Variants in KCND2 observed in about 807,000 individuals in gnomAD.
The protein encoded by KCND2 is A-type voltage-gated potassium channel KCND2.
Under a neutral mutation model 54.4 loss-of-function variants are expected in KCND2, and 16 were observed. The ratio of observed to expected loss-of-function variants is 0.29; its 90% CI spans 0.20 to 0.45. The LOEUF (loss-of-function observed/expected upper bound fraction) is 0.45. Among genes scored for constraint, KCND2 ranks in the 20% least tolerant of loss-of-function variants. KCND2 has a pLI of 1.00. For missense variants in KCND2, 486 were observed against 824.2 expected, an observed-to-expected ratio of 0.59 and a Z score of 5.02; for synonymous variants, 317 against 310.7, an observed-to-expected ratio of 1.02 and a Z score of -0.21.
At chr7:120,371,884 A>T (rs1425623132) in intron 1 of KCND2, among the ~76,000 whole-genome samples, 1 of 151,928 alleles carries the variant, frequency 6.6e-6, no homozygotes, top group Non-Finnish European at 1.5e-5. Flanking sequence ...GAATGTTCAC[A>T]CAATGGCAAA....
At chr7:120,329,975 T>A (rs1460241131) in intron 1 of KCND2, among the ~76,000 whole-genome samples, 1 of 152,162 alleles carries the variant, frequency 6.6e-6, no homozygotes, top group Admixed American at 6.6e-5. Context: ...AATAGAATGC[T>A]CTTTTAATAG....
chr7:120,678,180 T>A (rs2116583983), intron 1 of KCND2, among the ~76,000 whole-genome samples: 1 of 151,770 alleles, frequency 6.6e-6, no homozygotes, highest in African/African-American at 2.4e-5. Flanking sequence ...CTGAGATGGT[T>A]AGGGGGTTCT....
intron 1 of KCND2, among the ~76,000 whole-genome samples, chr7:120,281,425 T>C (rs1799260944): frequency 1.1e-4 from 2 of 17,720 alleles, no homozygotes; most frequent in Non-Finnish European, 5.3e-4. Flanking sequence ...GCGTCTGATA[T>C]TGAAAAAAAA....
chr7:120,593,407 A>G (rs1016074384), intron 1 of KCND2, among the ~76,000 whole-genome samples: 1 of 152,168 alleles, frequency 6.6e-6, no homozygotes, highest in Non-Finnish European at 1.5e-5. Context: ...GTCTACAGAC[A>G]TTGTCCCTGC....
intron 1 of KCND2, among the ~76,000 whole-genome samples, chr7:120,693,505 G>A (rs1265623372): frequency 6.6e-6 from 1 of 151,228 alleles, no homozygotes; most frequent in African/African-American, 2.4e-5. Flanking sequence ...ATTTTTAAAT[G>A]GATAATGAAA....
chr7:120,444,275 T>G (rs1039915913), intron 1 of KCND2, among the ~76,000 whole-genome samples: 1 of 152,098 alleles, frequency 6.6e-6, no homozygotes, highest in African/African-American at 2.4e-5. Flanking sequence ...CCTCCCTCCC[T>G]CTACCATCTT....
chr7:120,352,355 T>C (rs1338382147), intron 1 of KCND2, among the ~76,000 whole-genome samples: 1 of 151,856 alleles, frequency 6.6e-6, no homozygotes, highest in South Asian at 2.1e-4. Context: ...CCCAAATACA[T>C]ACATATGTAT....
intron 1 of KCND2, among the ~76,000 whole-genome samples, chr7:120,340,291 A>G (rs1173928217): frequency 1.3e-5 from 2 of 152,252 alleles, no homozygotes; most frequent in African/African-American, 4.8e-5. Context: ...TTCTGCATAT[A>G]TGTAAAGATA....
chr7:120,727,770 G>A (rs79465749), intron 1 of KCND2, among the ~76,000 whole-genome samples: 4 of 152,070 alleles, frequency 2.6e-5, no homozygotes, highest in Non-Finnish European at 5.9e-5. Flanking sequence ...AGGAGCAGAA[G>A]GAAACTGGTG....
chr7:120,608,736 G>A (rs1158948102), intron 1 of KCND2, among the ~76,000 whole-genome samples: 1 of 152,042 alleles, frequency 6.6e-6, no homozygotes, highest in Non-Finnish European at 1.5e-5. Flanking sequence ...TAAATATAGG[G>A]TTAAATATAG....
At chr7:120,630,720 G>A (rs1793223470) in intron 1 of KCND2, among the ~76,000 whole-genome samples, 1 of 152,066 alleles carries the variant, frequency 6.6e-6, no homozygotes, top group Admixed American at 6.5e-5. Flanking sequence ...CGCTTAAAAG[G>A]TATTGAGTCA....
intron 1 of KCND2, among the ~76,000 whole-genome samples, chr7:120,576,289 G>A (rs1032746887): frequency 2.6e-5 from 4 of 152,110 alleles, no homozygotes; most frequent in African/African-American, 9.7e-5. Flanking sequence ...TAAATATTTA[G>A]TAGAATTTCT....
At chr7:120,542,606 C>A (rs1350803037) in intron 1 of KCND2, among the ~76,000 whole-genome samples, 1 of 152,108 alleles carries the variant, frequency 6.6e-6, no homozygotes, top group Non-Finnish European at 1.5e-5. Context: ...TTCATGTCAA[C>A]CTGATTCCCT....
chr7:120,420,009 AAAAG>A (rs1801588844), intron 1 of KCND2, among the ~76,000 whole-genome samples: 1 of 151,258 alleles, frequency 6.6e-6, no homozygotes. Flanking sequence ...CAAAAAAAAA[AAAAG>A]AAAGAAAAAA....
intron 4 of KCND2, among the ~76,000 whole-genome samples, chr7:120,743,940 A>T (rs1792973152): frequency 6.6e-6 from 1 of 152,166 alleles, no homozygotes; most frequent in Non-Finnish European, 1.5e-5. Flanking sequence ...TAGTAGGATA[A>T]ATTTGAAAGT....
At chr7:120,510,405 A>G (rs1167897104) in intron 1 of KCND2, among the ~76,000 whole-genome samples, 1 of 152,144 alleles carries the variant, frequency 6.6e-6, no homozygotes, top group Non-Finnish European at 1.5e-5. Flanking sequence ...CTTCAAATTC[A>G]TGTCGCACTT....
At chr7:120,322,240 A>T (rs957931008) in intron 1 of KCND2, among the ~76,000 whole-genome samples, 2 of 152,102 alleles carry the variant, frequency 1.3e-5, no homozygotes, top group South Asian at 2.1e-4. Context: ...GCACTTTTCT[A>T]TGTCAAATAT....
At chr7:120,623,980 T>C (rs1584858539) in intron 1 of KCND2, among the ~76,000 whole-genome samples, 1 of 152,310 alleles carries the variant, frequency 6.6e-6, no homozygotes, top group East Asian at 1.9e-4. Flanking sequence ...TGTTAGTTGA[T>C]GCAAATATTG....
At chr7:120,334,513 G>A (rs984270333) in intron 1 of KCND2, among the ~76,000 whole-genome samples, 1 of 152,108 alleles carries the variant, frequency 6.6e-6, no homozygotes, top group African/African-American at 2.4e-5. Context: ...TGACTTGAAA[G>A]ATACCTATTT....
Sources: gnomAD v4.1 joint callset for allele counts (sites outside exome capture counted in the v4.1 genomes callset) on GRCh38, gnomAD v4.1.1 for gene constraint, MANE v1.5 for transcripts, NCBI Gene and HGNC (gene_info 2026-07-23, HGNC 2026-07-21) for gene names.